CUX2: variants seen among roughly 807,000 people sequenced by gnomAD.
The protein encoded by CUX2 is cut like homeobox 2.
Under a neutral mutation model 144.8 loss-of-function variants are expected in CUX2, and 40 were observed. The observed-to-expected ratio is 0.28, with a 90% confidence interval of 0.21 to 0.36. The LOEUF is 0.36. Among genes scored for constraint, CUX2 ranks in the 10% least tolerant of loss-of-function variants. The pLI is 1.00. For synonymous variants in CUX2, 827 were observed against 875.6 expected (o/e 0.94, Z 0.98); for missense variants, 1,615 against 1,994.0 (o/e 0.81, Z 3.62).
chr12:111,259,113 G>C (rs891644983), intron 3 of CUX2, among the ~76,000 whole-genome samples: 1 of 150,918 alleles, frequency 6.6e-6, no homozygotes. Flanking sequence ...TATGTTGCCA[G>C]GCTGGTCTTA....
Position 111,344,982 on chromosome 12 carries a change from T to A in CUX2, c.3660-2542T>A, listed in dbSNP as rs145609451. On this transcript the variant is annotated intron_variant, in intron 21 of 21. Transcript: ENST00000261726. ...TGGGGTTTTGCCATGTTGGCCAGGGTAGTCTAGAACTCCTGACCTCAAGTG... is the reference window on the plus strand; with the variant it reads ...TGGGGTTTTGCCATGTTGGCCAGGGAAGTCTAGAACTCCTGACCTCAAGTG... Among the ~76,000 whole-genome samples the A allele has an allele frequency of 7.1e-3, 1,080 of 152,176 alleles. 8 individuals carry two copies. The highest frequency in any genetic ancestry group is 0.024 in the African/African-American group (998 of 41,550).
At chr12:111,120,186 A>G (rs976828531) in intron 1 of CUX2, among the ~76,000 whole-genome samples, 12 of 152,214 alleles carry the variant, frequency 7.9e-5, no homozygotes, top group Middle Eastern at 6.8e-3. Flanking sequence ...TCTAAATTCT[A>G]TGAGGACAGC....
chr12:111,261,011 G>A (rs11065845), intron 3 of CUX2, among the ~76,000 whole-genome samples: 147 of 152,250 alleles, frequency 9.7e-4, no homozygotes, highest in African/African-American at 3.2e-3. Context: ...GCAGCCTCTC[G>A]CCCAGGGCAG....
intron 3 of CUX2, among the ~76,000 whole-genome samples, chr12:111,224,759 G>A (rs1178744208): frequency 6.6e-6 from 1 of 152,040 alleles, no homozygotes; most frequent in Non-Finnish European, 1.5e-5. Flanking sequence ...GGCCGGTGAG[G>A]CCACCCTGGG....
In CUX2 at chr12:111,289,621, G is replaced by A. The variant is rs1592922869; in HGVS notation, c.302-1797G>A. On this transcript the variant is annotated intron_variant, in intron 4 of 21. Coordinates refer to ENST00000261726, the MANE Select transcript of CUX2 (RefSeq NM_015267.4). The surrounding 1 kb of genome is among the most constrained non-coding windows in gnomAD (Gnocchi z 4.1). ...GTAAGGAAGCGGATGTGCTTGCGGT[G>A]TAAAGGGCTGGGAGAGGGAACCGAA... Among the ~76,000 whole-genome samples, 1 of 152,200 alleles carries A rather than the reference G, an allele frequency of 6.6e-6. No individual in the cohort carries two copies. Among genetic ancestry groups the A allele is most frequent in the Non-Finnish European group, 1.5e-5 (1 of 68,034 alleles).
At chr12:111,314,639 T>TTAA (rs1346176308) in intron 16 of CUX2, among the ~76,000 whole-genome samples, 1 of 23,234 alleles carries the variant, frequency 4.3e-5, no homozygotes, top group Admixed American at 6.0e-4. Flanking sequence ...AAACTCAGTC[T>TTAA]AAAAAAAAAA....
At chr12:111,117,291 C>T (rs145982636) in intron 1 of CUX2, among the ~76,000 whole-genome samples, 7 of 152,338 alleles carry the variant, frequency 4.6e-5, no homozygotes, top group Non-Finnish European at 4.4e-5. Flanking sequence ...GGCTACATGT[C>T]CATCATATAT....
rs953076425 is a variant in CUX2 at position 111,287,458 on chromosome 12, T to C, written c.302-3960T>C. On this transcript the variant is annotated intron_variant, in intron 4 of 21. Coordinates refer to ENST00000261726, the MANE Select transcript of CUX2 (RefSeq NM_015267.4). This position sits in a 1 kb window ranked among gnomAD's most constrained non-coding sequence, Gnocchi z 4.2. The stretch of plus-strand genomic sequence containing the variant: ...CCGGGACACAATAGGAAGCGTTTCC[T>C]TGAACTTATTAAAAAATCCAGACTT... 2.0e-5 allele frequency among the ~76,000 whole-genome samples: 3 copies of C among 152,272 alleles called. No homozygotes were observed. The highest frequency in any genetic ancestry group is 4.1e-4 in the South Asian group (2 of 4,834).
chr12:111,117,933 A>G (rs1874399925), intron 1 of CUX2, among the ~76,000 whole-genome samples: 1 of 152,194 alleles, frequency 6.6e-6, no homozygotes, highest in Admixed American at 6.5e-5. Context: ...AGAGAAGCAA[A>G]CCAACATGCC....
intron 1 of CUX2, among the ~76,000 whole-genome samples, chr12:111,207,986 G>A (rs961685646): frequency 1.3e-5 from 2 of 152,064 alleles, no homozygotes; most frequent in Non-Finnish European, 2.9e-5. Context: ...AGAAGGTTCT[G>A]GTGCATTTCG....
chr12:111,279,548 TGTG>T (rs1289210546), intron 4 of CUX2, among the ~76,000 whole-genome samples: 31 of 152,300 alleles, frequency 2.0e-4, no homozygotes, highest in African/African-American at 7.2e-4. Context: ...AGAGGCCAGG[TGTG>T]GTGGCTCATG....
chr12:111,332,511 A>G (rs1888166660), intron 18 of CUX2, among the ~76,000 whole-genome samples: 1 of 152,080 alleles, frequency 6.6e-6, no homozygotes, highest in South Asian at 2.1e-4. Context: ...GGAAGAGCCC[A>G]CTGCAGGGAT....
Position 111,049,173 on chromosome 12 carries a change from T to TCATC in CUX2, c.63+14953_63+14956dup, listed in dbSNP as rs564705991. ...TCCTTCCATCCATCCATTCATGAAT[T>TCATC]CATCCATCCATCCATCCATCCATGA... On this transcript the variant is annotated intron_variant, in intron 1 of 21. Coordinates refer to ENST00000261726, the MANE Select transcript of CUX2 (RefSeq NM_015267.4). Among the ~76,000 whole-genome samples, 470 of 151,628 alleles carry TCATC rather than the reference T, an allele frequency of 3.1e-3. 2 individuals are homozygous for TCATC. The highest frequency in any genetic ancestry group is 5.7e-3 in the Non-Finnish European group (384 of 67,914).
intron 1 of CUX2, among the ~76,000 whole-genome samples, chr12:111,065,286 C>G (rs904971237): frequency 6.6e-6 from 1 of 152,236 alleles, no homozygotes; most frequent in Non-Finnish European, 1.5e-5. Flanking sequence ...GGATTTGACC[C>G]AGGGCCGATG....
chr12:111,168,699 T>C (rs985377151), intron 1 of CUX2, among the ~76,000 whole-genome samples: 2 of 152,226 alleles, frequency 1.3e-5, no homozygotes, highest in Non-Finnish European at 2.9e-5. Flanking sequence ...TTTCCACTAA[T>C]GTGATATGAA....
At chr12:111,205,270 C>T (rs559035907) in intron 1 of CUX2, among the ~76,000 whole-genome samples, 2 of 152,178 alleles carry the variant, frequency 1.3e-5, no homozygotes, top group East Asian at 1.9e-4. Context: ...CAACCTGCCC[C>T]GCAGTAGATA....
At chr12:111,072,956 A>C (rs967972134) in intron 1 of CUX2, among the ~76,000 whole-genome samples, 2 of 152,226 alleles carry the variant, frequency 1.3e-5, no homozygotes, top group African/African-American at 2.4e-5. Context: ...TTATAGAAAG[A>C]ACAGATAAGC....
intron 1 of CUX2, among the ~76,000 whole-genome samples, chr12:111,136,173 AG>A (rs1875874181): frequency 6.6e-6 from 1 of 151,884 alleles, no homozygotes; most frequent in Non-Finnish European, 1.5e-5. Flanking sequence ...AGAAGGATGC[AG>A]GAACATCGCG....
intron 1 of CUX2, among the ~76,000 whole-genome samples, chr12:111,096,929 A>G (rs1872849487): frequency 6.6e-6 from 1 of 152,050 alleles, no homozygotes; most frequent in Non-Finnish European, 1.5e-5. Context: ...GTGAGCCAAG[A>G]TCACACCACT....
Sources: allele counts gnomAD v4.1 joint callset (sites outside exome capture counted in the v4.1 genomes callset), GRCh38; gene constraint gnomAD v4.1.1; non-coding constraint Gnocchi (gnomAD v3.1); transcripts MANE v1.5; gene names NCBI Gene and HGNC (gene_info 2026-07-23, HGNC 2026-07-21).